ACACA: variants seen among roughly 807,000 people sequenced by gnomAD.
ACACA encodes the protein acetyl-CoA carboxylase 1.
In ACACA, 103 loss-of-function variants were observed where a neutral mutation model predicts 296.1. That is an observed-to-expected ratio of 0.35 (90% confidence interval 0.30 to 0.41). The LOEUF (loss-of-function observed/expected upper bound fraction) is 0.41, where lower values mean the gene tolerates loss of function less well. ACACA is among the 10% of genes least tolerant of loss of function. The pLI is 1.00. For missense variants in ACACA, 1,554 were observed against 2,989.7 expected, an observed-to-expected ratio of 0.52 and a Z score of 11.20; for synonymous variants, 953 against 1,038.6, an observed-to-expected ratio of 0.92 and a Z score of 1.58.
chr17:37,158,552 C>G (rs1271524681), intron 42 of ACACA, among the ~76,000 whole-genome samples: 1 of 152,000 alleles, frequency 6.6e-6, no homozygotes, highest in Non-Finnish European at 1.5e-5. Flanking sequence ...ATTGCTTCAA[C>G]CCAGGAGGCA....
At chr17:37,145,632 T>C (rs1486509285) in intron 45 of ACACA, among the ~76,000 whole-genome samples, 1 of 152,194 alleles carries the variant, frequency 6.6e-6, no homozygotes, top group Non-Finnish European at 1.5e-5. Flanking sequence ...CCTGATCTAG[T>C]CTCTCTCAAT....
chr17:37,165,226 A>G (rs1310286685), intron 41 of ACACA, among the ~76,000 whole-genome samples: 1 of 151,586 alleles, frequency 6.6e-6, no homozygotes, highest in Non-Finnish European at 1.5e-5. Flanking sequence ...TTGAGGTAGC[A>G]TGATGGACAA....
intron 5 of ACACA, among the ~76,000 whole-genome samples, chr17:37,281,955 A>T (rs11867576): frequency 0.014 from 2,075 of 152,292 alleles, 60 homozygotes; most frequent in African/African-American, 0.048. Flanking sequence ...AGACATTAGG[A>T]TCTTCCTTTT....
intron 3 of ACACA, among the ~76,000 whole-genome samples, chr17:37,300,551 G>A (rs776759898): frequency 6.6e-6 from 1 of 152,074 alleles, no homozygotes; most frequent in Non-Finnish European, 1.5e-5. Context: ...TGCCAACCAC[G>A]CTGAGAATAT....
intron 50 of ACACA, among the ~76,000 whole-genome samples, chr17:37,118,040 G>T (rs546439386): frequency 6.6e-6 from 1 of 152,286 alleles, no homozygotes; most frequent in African/African-American, 2.4e-5. Context: ...GAGGCCCTCA[G>T]TTTAGGTCCC....
At chr17:37,310,775 C>T (rs2084093060) in intron 3 of ACACA, among the ~76,000 whole-genome samples, 2 of 117,792 alleles carry the variant, frequency 1.7e-5, no homozygotes, top group Admixed American at 2.4e-4. Flanking sequence ...CCCTGGGCAA[C>T]AGAGCGAGAC....
intron 36 of ACACA, 70 bp downstream of exon 36, chr17:37,193,304 G>C: frequency 8.3e-7 from 1 of 1,205,614 alleles, no homozygotes; most frequent in African/African-American, 1.5e-5. Flanking sequence ...GTATGGCAAA[G>C]ATAAGCCGCT....
intron 1 of ACACA, among the ~76,000 whole-genome samples, chr17:37,370,646 G>A (rs537499236): frequency 1.3e-5 from 2 of 151,488 alleles, no homozygotes; most frequent in African/African-American, 4.8e-5. Flanking sequence ...GACAGAGCTA[G>A]ACTCTGTCTC....
In ACACA at chr17:37,223,534, A is replaced by G. The variant is rs769242965; in HGVS notation, c.3542T>C (p.Val1181Ala). Residue 1181 changes from valine (V) to alanine (A), a missense_variant, in exon 28 of 56, where the codon GTA becomes GCA. Transcript: ENST00000616317. ...TACCTCCAGAGCTGCCATCCTCACTACTTGGTTGCTGTGATAGAAGAAGTT... is the reference window on the plus strand; with the variant it reads ...TACCTCCAGAGCTGCCATCCTCACTGCTTGGTTGCTGTGATAGAAGAAGTT... The part of the protein sequence containing the change: ...LPNFFYHSNQ[V>A]VRMAALEVYV... 6.2e-7 allele frequency: 1 copy of G among 1,610,590 alleles called. No homozygotes were observed. Among genetic ancestry groups the G allele is most frequent in the South Asian group, 1.1e-5 (1 of 91,004 alleles).
intron 35 of ACACA, among the ~76,000 whole-genome samples, chr17:37,194,103 A>G (rs1468275079): frequency 6.6e-6 from 1 of 152,070 alleles, no homozygotes; most frequent in African/African-American, 2.4e-5. Context: ...CAATTAGCAG[A>G]GTTCATTAGT....
At chr17:37,098,107 C>G in intron 52 of ACACA, 123 bp from the exon 53 acceptor site, 1 of 1,198,672 alleles carries the variant, frequency 8.3e-7, no homozygotes, top group Non-Finnish European at 1.2e-6. Context: ...TGGCCTGGCT[C>G]TCCGTTGTCT....
At chr17:37,193,286 A>G in intron 36 of ACACA, 88 bp downstream of exon 36, 1 of 996,588 alleles carries the variant, frequency 1.0e-6, no homozygotes, top group Non-Finnish European at 1.5e-6. Flanking sequence ...AAGAATGGCA[A>G]GAAGAACGTA....
In ACACA at chr17:37,097,988, CA is replaced by C. The variant is rs2073093588; in HGVS notation, c.6566-5del. On this transcript the variant is annotated splice_region_variant and splice_polypyrimidine_tract_variant and intron_variant, in intron 52 of 55. Transcript: ENST00000616317. This position sits in a 1 kb window ranked among gnomAD's most constrained non-coding sequence, Gnocchi z 4.8. ...GCTGTGCTTAGCTCTGGGGTCCCTGCAATTAGATAAACATGCCCGTCACACT... is the reference window on the plus strand; with the variant it reads ...GCTGTGCTTAGCTCTGGGGTCCCTGCATTAGATAAACATGCCCGTCACACT... 6.2e-7 allele frequency: 1 copy of C among 1,614,158 alleles called. No homozygotes were observed. The highest frequency in any genetic ancestry group is 8.5e-7 in the Non-Finnish European group (1 of 1,180,030).
rs1162425599 is a variant in ACACA, at chr17:37,274,245, G to A, written c.956C>T (p.Pro319Leu). ...NDFSKRILNV[P>L]QELYEKGYVK... is the part of the protein sequence containing the mutation. ...ATAACCTTTTTCATATAGCTCCTGG[G>A]GAACATTTAAGATACGTTTTGAAAA... The change falls in exon 9 of 56, where the codon CCC becomes CTC. Residue 319 changes from proline to leucine, a missense_variant. Pro to Leu is a moderately conservative substitution (Grantham distance 98). Around this residue, in one of 16 missense-constraint regions of ACACA, gnomAD observed 47 missense variants for 55.4 expected, o/e 0.85. Coordinates refer to ENST00000616317, the MANE Select transcript of ACACA (RefSeq NM_198834.3). 6.2e-7 allele frequency: 1 copy of A among 1,614,078 alleles called. No individual in the cohort carries two copies. The highest frequency in any genetic ancestry group is 8.5e-7 in the Non-Finnish European group (1 of 1,180,014).
intron 1 of ACACA, among the ~76,000 whole-genome samples, chr17:37,371,808 G>A (rs765000196): frequency 6.6e-6 from 1 of 152,070 alleles, no homozygotes; most frequent in South Asian, 2.1e-4. Flanking sequence ...GCTGAGGCAG[G>A]AGAATGGCTT....
rs551448075 is a variant in ACACA at position 37,153,954 on chromosome 17, G to C, written c.5447+1729C>G. ...TGAAGATGTCACTTCTTAAATTAAT[G>C]TGTAAACTCAATACAATCTGAATCA... On this transcript the variant is annotated intron_variant, in intron 43 of 55. Transcript: ENST00000616317. 2.6e-5 allele frequency among the ~76,000 whole-genome samples: 4 copies of C among 152,242 alleles called. No individual in the cohort carries two copies. The South Asian group carries it at 8.3e-4, about 32-fold the overall frequency.
chr17:37,240,649 G>A, intron 23 of ACACA, 85 bp from the exon 24 acceptor site: 5 of 1,000,586 alleles, frequency 5.0e-6, no homozygotes, highest in East Asian at 2.5e-5. Context: ...TTACCTCCAC[G>A]ACATTCCACT....
chr17:37,132,254 T>C (rs1446112604), intron 45 of ACACA, among the ~76,000 whole-genome samples: 2 of 152,244 alleles, frequency 1.3e-5, no homozygotes, highest in East Asian at 3.8e-4. Context: ...ACATACCTGT[T>C]TCATTTATAT....
chr17:37,295,916 C>G (rs963428834), intron 3 of ACACA, among the ~76,000 whole-genome samples: 4 of 151,816 alleles, frequency 2.6e-5, no homozygotes, highest in African/African-American at 9.7e-5. Flanking sequence ...AAGGGCGAGA[C>G]TCCATTTCAA....
Sources: gnomAD v4.1 joint callset for allele counts (sites outside exome capture counted in the v4.1 genomes callset) on GRCh38, gnomAD v4.1.1 for gene constraint, gnomAD v4.1.1 regional missense constraint, Gnocchi (gnomAD v3.1) non-coding constraint, MANE v1.5 for transcripts, NCBI Gene and HGNC (gene_info 2026-07-23, HGNC 2026-07-21) for gene names.